RUNX1: variants seen among roughly 807,000 people sequenced by gnomAD.
RUNX1 encodes the protein runt-related transcription factor 1.
A neutral mutation model predicts 42.8 loss-of-function variants in RUNX1; 19 were observed. The ratio of observed to expected loss-of-function variants is 0.44; its 90% CI spans 0.31 to 0.65. The LOEUF is 0.65. RUNX1 is among the 30% of genes least tolerant of loss of function. The pLI is 0.07. For missense variants in RUNX1, 528 were observed against 672.0 expected (o/e 0.79, Z 2.37); for synonymous variants, 271 against 289.4 (o/e 0.94, Z 0.64).
At position 34,963,348 on chromosome 21, in the gene RUNX1, G is replaced by A. The variant is rs536386261; in HGVS notation, c.59-70385C>T. ...CAGAGAGGCTGTCCAGGACAGTAGT[G>A]GCCTTTTAAAGCTCCTGCAGAGAGG... On this transcript the variant is annotated intron_variant, in intron 2 of 8. Coordinates refer to ENST00000675419, the MANE Select transcript of RUNX1 (RefSeq NM_001754.5). Among the ~76,000 whole-genome samples, 5 of 152,272 alleles carry A rather than the reference G, an allele frequency of 3.3e-5. No individual in the cohort carries two copies. The East Asian group carries it at 9.7e-4, about 29-fold the overall frequency.
chr21:34,925,457 T>C (rs1311253387), intron 2 of RUNX1, among the ~76,000 whole-genome samples: 2 of 152,118 alleles, frequency 1.3e-5, no homozygotes, highest in Non-Finnish European at 2.9e-5. Flanking sequence ...AGGAAAGCCA[T>C]GGGAAGACAC....
chr21:34,920,238 T>C (rs2058343677), intron 2 of RUNX1, among the ~76,000 whole-genome samples: 1 of 152,216 alleles, frequency 6.6e-6, no homozygotes, highest in South Asian at 2.1e-4. Flanking sequence ...CCACTCTCTT[T>C]TGTTTCTTTC....
intron 7 of RUNX1, among the ~76,000 whole-genome samples, chr21:34,810,567 G>T (rs1327784740): frequency 1.3e-5 from 2 of 152,190 alleles, no homozygotes; most frequent in Non-Finnish European, 2.9e-5. Flanking sequence ...GCATAGTTCT[G>T]CAGTCTGAGA....
intron 2 of RUNX1, among the ~76,000 whole-genome samples, chr21:35,012,824 A>G (rs2059135255): frequency 6.6e-6 from 1 of 152,226 alleles, no homozygotes; most frequent in African/African-American, 2.4e-5. Flanking sequence ...TCTAAAGTAG[A>G]GTAGAAATCA....
chr21:34,867,307 GCA>G (rs953276179), intron 5 of RUNX1, among the ~76,000 whole-genome samples: 4 of 152,014 alleles, frequency 2.6e-5, no homozygotes, highest in Non-Finnish European at 5.9e-5. Flanking sequence ...GGGCATGGTG[GCA>G]CACATTTGCA....
chr21:34,808,601 GC>G (rs2056715902), intron 7 of RUNX1, among the ~76,000 whole-genome samples: 1 of 152,138 alleles, frequency 6.6e-6, no homozygotes. Flanking sequence ...GGGTAACCAG[GC>G]TCACTTGCCT....
At chr21:35,041,796 G>C (rs2059361581) in intron 2 of RUNX1, among the ~76,000 whole-genome samples, 1 of 151,800 alleles carries the variant, frequency 6.6e-6, no homozygotes, top group Non-Finnish European at 1.5e-5. Flanking sequence ...GTATGAATAA[G>C]TGTTTAAAGC....
At chr21:35,014,836 C>G (rs1210056558) in intron 2 of RUNX1, among the ~76,000 whole-genome samples, 2 of 152,252 alleles carry the variant, frequency 1.3e-5, no homozygotes, top group South Asian at 4.1e-4. Flanking sequence ...TCCATCACAG[C>G]ACTCACTGCT....
chr21:34,865,326 T>TG (rs2146269249), intron 5 of RUNX1, among the ~76,000 whole-genome samples: 1 of 109,388 alleles, frequency 9.1e-6, no homozygotes, highest in South Asian at 2.8e-4. Flanking sequence ...GTGTGTGTGT[T>TG]CAGCAGGTGA....
chr21:34,895,236 CTT>C (rs2058120679), intron 2 of RUNX1, among the ~76,000 whole-genome samples: 1 of 152,148 alleles, frequency 6.6e-6, no homozygotes, highest in Non-Finnish European at 1.5e-5. Flanking sequence ...GCGTTTTAGT[CTT>C]TTCCCACCTC....
chr21:34,941,560 C>T (rs2058526695), intron 2 of RUNX1, among the ~76,000 whole-genome samples: 1 of 152,166 alleles, frequency 6.6e-6, no homozygotes, highest in Non-Finnish European at 1.5e-5. Flanking sequence ...ACATAATCTA[C>T]CAATCGGTCT....
At chr21:34,836,806 T>G (rs1028939908) in intron 6 of RUNX1, among the ~76,000 whole-genome samples, 10 of 152,000 alleles carry the variant, frequency 6.6e-5, no homozygotes, top group African/African-American at 1.9e-4. Flanking sequence ...GTGAGCGAGG[T>G]CATTCTGAAT....
At chr21:34,909,114 T>C (rs1055477588) in intron 2 of RUNX1, among the ~76,000 whole-genome samples, 3 of 152,202 alleles carry the variant, frequency 2.0e-5, no homozygotes, top group Admixed American at 6.5e-5. Flanking sequence ...AAAGGCCGCA[T>C]TGCAGGTAGG....
intron 2 of RUNX1, among the ~76,000 whole-genome samples, chr21:34,921,844 G>A (rs560600568): frequency 1.6e-4 from 25 of 152,154 alleles, no homozygotes; most frequent in African/African-American, 5.8e-4. Flanking sequence ...ATATTGGCCA[G>A]GCTGGTCTCG....
At chr21:34,928,007 T>TG (rs1397527704) in intron 2 of RUNX1, among the ~76,000 whole-genome samples, 1 of 152,192 alleles carries the variant, frequency 6.6e-6, no homozygotes, top group East Asian at 1.9e-4. Flanking sequence ...ACCCAGTCTT[T>TG]GGTGTTTAAA....
In RUNX1 at chr21:34,848,048, T is replaced by A. The variant is rs540698462; in HGVS notation, c.613+11426A>T. On this transcript the variant is annotated intron_variant, in intron 6 of 8. Transcript: ENST00000675419. Reference sequence around the variant, plus strand: ...TCAAGGGGCCTACCCGTCTAGAGCATGTGCTTTAATAATAGCAGCTAATAT... The same window carrying A: ...TCAAGGGGCCTACCCGTCTAGAGCAAGTGCTTTAATAATAGCAGCTAATAT... Among the ~76,000 whole-genome samples, 5 of 152,330 alleles carry A rather than the reference T, an allele frequency of 3.3e-5. No homozygotes were observed. In the South Asian group the frequency reaches 6.2e-4, roughly 19 times the overall value.
At chr21:34,848,927 T>A (rs1057406993) in intron 6 of RUNX1, among the ~76,000 whole-genome samples, 1 of 152,154 alleles carries the variant, frequency 6.6e-6, no homozygotes, top group Non-Finnish European at 1.5e-5. Flanking sequence ...CTATGTAGTA[T>A]CTAGGAACTT....
Position 34,926,392 on chromosome 21 carries a change from C to T in RUNX1, c.59-33429G>A, listed in dbSNP as rs992276540. 6.2e-5 allele frequency among the ~76,000 whole-genome samples: 8 copies of T among 129,282 alleles called. No homozygotes were observed. In the East Asian group the frequency reaches 1.5e-3, roughly 25 times the overall value. The allele number at this position is 129,282 out of a possible 152,430, so 84.8% of individuals were successfully genotyped here. ...GGCTGAGACAGGAGGATCCCTTGAACCCAGTAGGGCAGTGAGCCATGATCA... is the reference window on the plus strand; with the variant it reads ...GGCTGAGACAGGAGGATCCCTTGAATCCAGTAGGGCAGTGAGCCATGATCA... On this transcript the variant is annotated intron_variant, in intron 2 of 8. Coordinates refer to ENST00000675419, the MANE Select transcript of RUNX1 (RefSeq NM_001754.5).
At chr21:34,994,664 G>A (rs919612118) in intron 2 of RUNX1, among the ~76,000 whole-genome samples, 7 of 151,932 alleles carry the variant, frequency 4.6e-5, no homozygotes, top group East Asian at 1.9e-4. Flanking sequence ...CTACGTACCC[G>A]TAAAAATTGA....
Sources: allele counts gnomAD v4.1 joint callset (sites outside exome capture counted in the v4.1 genomes callset), GRCh38; gene constraint gnomAD v4.1.1; transcripts MANE v1.5; gene names NCBI Gene and HGNC (gene_info 2026-07-23, HGNC 2026-07-21).